Variants in KLHL13 observed in about 807,000 individuals in gnomAD.
KLHL13 encodes kelch-like protein 13.
KLHL13 carries 10 observed loss-of-function variants against 37.1 expected under a neutral mutation model. The ratio of observed to expected loss-of-function variants is 0.27; its 90% confidence interval spans 0.17 to 0.46. KLHL13 has a LOEUF of 0.46. KLHL13 is among the 20% of genes least tolerant of loss of function. KLHL13 has a pLI of 1.00. For missense variants in KLHL13, 360 were observed against 509.3 expected (o/e 0.71, Z 2.82); for synonymous variants, 163 against 181.2 (o/e 0.90, Z 0.81).
At chrX:118,106,797 T>A (rs1383987104) in intron 1 of KLHL13, among the ~76,000 whole-genome samples, 1 of 112,175 alleles carries the variant, frequency 8.9e-6, no homozygotes, top group East Asian at 2.8e-4. Flanking sequence ...TCTATCCCTC[T>A]AACACCTAAA....
intron 1 of KLHL13, among the ~76,000 whole-genome samples, chrX:118,042,177 C>T (rs919412053): frequency 2.7e-5 from 3 of 111,238 alleles, no homozygotes; most frequent in Non-Finnish European, 5.7e-5. Context: ...CATATATGCA[C>T]CCGACACTGG....
chrX:118,052,787 A>T lies in KLHL13; in HGVS notation c.-56+63721T>A, dbSNP rs770669353. The stretch of plus-strand genomic sequence containing the variant: ...GGTTGCAGTGAGCCAAGATCGTACC[A>T]CTGCACGCCAGTCAGGCCGACAGAG... On this transcript the variant is annotated intron_variant, in intron 1 of 6. Transcript: ENST00000371882. Among the ~76,000 whole-genome samples the T allele has an allele frequency of 8.2e-5, 9 of 109,724 alleles. No individual in the cohort carries two copies. In the South Asian group the frequency reaches 2.8e-3, roughly 34 times the overall value.
At chrX:118,081,687 A>T (rs1052803022) in intron 1 of KLHL13, among the ~76,000 whole-genome samples, 1 of 111,191 alleles carries the variant, frequency 9.0e-6, no homozygotes, top group Non-Finnish European at 1.9e-5. Context: ...ACTAGAACTT[A>T]TTCCTCCTAT....
chrX:118,117,272 C>T (rs151147608), upstream of KLHL13: 7,875 of 112,066 alleles, frequency 0.07, 240 homozygotes, highest in Middle Eastern at 0.13. Flanking sequence ...GCGGTGCCAC[C>T]TCACCTCAGT....
At chrX:117,979,956 G>C (rs1208655789) in intron 1 of KLHL13, among the ~76,000 whole-genome samples, 1 of 111,917 alleles carries the variant, frequency 8.9e-6, no homozygotes, top group South Asian at 3.7e-4. Context: ...TTTTCTGATT[G>C]AATCTGTGAA....
intron 1 of KLHL13, among the ~76,000 whole-genome samples, chrX:117,965,819 A>G (rs2147878660): frequency 8.9e-6 from 1 of 111,937 alleles, no homozygotes; most frequent in Admixed American, 9.5e-5. Flanking sequence ...GATTATCTCA[A>G]TAGATGCAGA....
chrX:117,950,454 G>A (rs1439944280), intron 1 of KLHL13, among the ~76,000 whole-genome samples: 1 of 111,343 alleles, frequency 9.0e-6, no homozygotes, highest in Non-Finnish European at 1.9e-5. Flanking sequence ...GTGAAAGAGT[G>A]AAACTCCATC....
chrX:117,996,303 T>C (rs762629299), intron 1 of KLHL13, among the ~76,000 whole-genome samples: 1 of 111,960 alleles, frequency 8.9e-6, no homozygotes, highest in African/African-American at 3.2e-5. Context: ...ATTCAGACAG[T>C]TTGCTAAATT....
chrX:117,948,712 A>G (rs954517781), intron 1 of KLHL13, among the ~76,000 whole-genome samples: 3 of 111,461 alleles, frequency 2.7e-5, no homozygotes, highest in African/African-American at 9.8e-5. Flanking sequence ...CCCCCCGCCT[A>G]CCCAATCACC....
intron 1 of KLHL13, among the ~76,000 whole-genome samples, chrX:118,001,131 A>G (rs747353860): frequency 8.9e-6 from 1 of 112,125 alleles, no homozygotes; most frequent in African/African-American, 3.2e-5. Context: ...TTTCTCATAC[A>G]TCACTGCAGA....
At chrX:118,039,194 C>T (rs2054482192) in intron 1 of KLHL13, among the ~76,000 whole-genome samples, 1 of 112,246 alleles carries the variant, frequency 8.9e-6, no homozygotes, top group African/African-American at 3.2e-5. Flanking sequence ...GACTCAGAGC[C>T]ATGCTGGCTT....
At chrX:117,969,900 AG>A (rs2053495482) in intron 1 of KLHL13, among the ~76,000 whole-genome samples, 2 of 111,914 alleles carry the variant, frequency 1.8e-5, no homozygotes, top group African/African-American at 6.5e-5. Context: ...CTGTCATTCA[AG>A]TTCTAAACAA....
chrX:118,005,549 T>C (rs1224651186), intron 1 of KLHL13, among the ~76,000 whole-genome samples: 2 of 111,424 alleles, frequency 1.8e-5, no homozygotes, highest in Non-Finnish European at 3.8e-5. Context: ...TCCTGGATTA[T>C]TCAGTTGTGC....
chrX:117,998,708 A>G (rs940577640), intron 1 of KLHL13, among the ~76,000 whole-genome samples: 3 of 110,180 alleles, frequency 2.7e-5, no homozygotes, highest in African/African-American at 9.9e-5. Context: ...CCTTCTGGAA[A>G]GTGTCCTACC....
chrX:117,899,240 T>C (rs1292241711), exon 7 of KLHL13: 2 of 1,209,411 alleles, frequency 1.7e-6, no homozygotes, highest in Non-Finnish European at 2.2e-6. Context: ...CTTGTTCCTC[T>C]GAAGTGATTG....
At chrX:117,947,263 T>C (rs1216556293) in intron 1 of KLHL13, 1 of 111,891 alleles carries the variant, frequency 8.9e-6, no homozygotes, top group East Asian at 2.8e-4. Context: ...CCAGATTATA[T>C]TAATAGGATA....
chrX:118,040,795 A>G (rs1046372354), intron 1 of KLHL13, among the ~76,000 whole-genome samples: 10 of 112,088 alleles, frequency 8.9e-5, no homozygotes, highest in Non-Finnish European at 7.5e-5. Flanking sequence ...GGACAAAGAA[A>G]GGATCCTAAA....
chrX:118,099,377 T>C (rs1314266314), intron 1 of KLHL13, among the ~76,000 whole-genome samples: 2 of 111,890 alleles, frequency 1.8e-5, no homozygotes, highest in Non-Finnish European at 3.8e-5. Context: ...AATGATAATA[T>C]AAACTGTTTT....
In KLHL13 at chrX:118,094,064, C is replaced by A. The variant is rs766199999; in HGVS notation, c.-56+22444G>T. 1.1e-4 allele frequency among the ~76,000 whole-genome samples: 12 copies of A among 108,575 alleles called. No homozygotes were observed. In the South Asian group the frequency reaches 5.0e-3, roughly 45 times the overall value. 94.3% of individuals were successfully genotyped at this position (108,575 alleles called of 115,157 possible). On this transcript the variant is annotated intron_variant, in intron 1 of 6. Transcript: ENST00000371882. Reference sequence around the variant, plus strand: ...CGAGTTGAGAGAAGAAGGCTTCAGACGATCAAACTACTCTGAGCTAAAGGA... The same window carrying A: ...CGAGTTGAGAGAAGAAGGCTTCAGAAGATCAAACTACTCTGAGCTAAAGGA...
Sources: allele counts gnomAD v4.1 joint callset (sites outside exome capture counted in the v4.1 genomes callset), GRCh38; gene constraint gnomAD v4.1.1; transcripts MANE v1.5; gene names NCBI Gene and HGNC (gene_info 2026-07-23, HGNC 2026-07-21).